The following GTF2IRD1 variants were observed in gnomAD, a reference collection of about 807,000 sequenced individuals.
GTF2IRD1 encodes the protein general transcription factor II-I repeat domain-containing protein 1.
A neutral mutation model predicts 113.2 loss-of-function variants in GTF2IRD1; 26 were observed. The ratio of observed to expected loss-of-function variants is 0.23; its 90% CI spans 0.17 to 0.32. The LOEUF is 0.32. Among genes scored for constraint, GTF2IRD1 ranks in the 10% least tolerant of loss-of-function variants. GTF2IRD1 has a pLI of 1.00. For missense variants in GTF2IRD1, 864 were observed against 1,280.8 expected (o/e 0.67, Z 4.97); for synonymous variants, 484 against 529.1 (o/e 0.91, Z 1.17).
At chr7:74,586,133 T>C (rs1801701473) in intron 22 of GTF2IRD1, among the ~76,000 whole-genome samples, 2 of 152,172 alleles carry the variant, frequency 1.3e-5, no homozygotes. Context: ...GTTCTGTGCA[T>C]GCATGGCCAT....
chr7:74,482,376 T>C (rs37614), intron 1 of GTF2IRD1, among the ~76,000 whole-genome samples: 121,820 of 151,410 alleles, frequency 0.8, 49,137 homozygotes, highest in Admixed American at 0.85. Context: ...GACAGGCATG[T>C]GCCACCACAC....
chr7:74,536,564 T>C (rs1228776145), intron 11 of GTF2IRD1, among the ~76,000 whole-genome samples: 4 of 152,052 alleles, frequency 2.6e-5, no homozygotes, highest in Non-Finnish European at 5.9e-5. Flanking sequence ...TCCCAGCACT[T>C]TGGGAGGCCG....
intron 17 of GTF2IRD1, among the ~76,000 whole-genome samples, chr7:74,547,983 A>G (rs1799058320): frequency 6.6e-6 from 1 of 152,016 alleles, no homozygotes; most frequent in Non-Finnish European, 1.5e-5. Flanking sequence ...GGCTGGGAGC[A>G]ATGCCCTGTC....
chr7:74,538,620 T>C, intron 12 of GTF2IRD1, 60 bp from the exon 13 acceptor site: 3 of 954,606 alleles, frequency 3.1e-6, no homozygotes, highest in Non-Finnish European at 5.2e-6. Context: ...CTGGAAAGAG[T>C]CACTCTGCCC....
chr7:74,483,386 T>A (rs545918356), intron 1 of GTF2IRD1, among the ~76,000 whole-genome samples: 7,757 of 148,966 alleles, frequency 0.052, 634 homozygotes, highest in African/African-American at 0.18. Flanking sequence ...AAAAAAAAAA[T>A]TTTTTTTTTA....
chr7:74,536,215 C>T lies in GTF2IRD1; in HGVS notation c.1349C>T (p.Pro450Leu). ...DTTKLEPASP[P>L]EDTSAEVSRA... ...ACGAAGCTGGAGCCAGCCAGCCCGC[C>T]AGAGGACACCTCTGCAGAGGTCTCT... Residue 450 changes from proline (P) to leucine (L), a missense_variant, in exon 11 of 27, where the codon CCA becomes CTA. Physicochemically the swap from Pro to Leu is moderately conservative, Grantham distance 98 (BLOSUM62 -3). Around this residue, in one of 7 missense-constraint regions of GTF2IRD1, gnomAD observed 218 missense variants for 352.6 expected, o/e 0.62. Transcript: ENST00000424337. 6.2e-7 allele frequency: 1 copy of T among 1,613,842 alleles called. No individual in the cohort carries two copies. Among genetic ancestry groups the T allele is most frequent in the Non-Finnish European group, 8.5e-7 (1 of 1,179,758 alleles).
chr7:74,479,751 TC>T, intron 1 of GTF2IRD1, among the ~76,000 whole-genome samples: 1 of 148,370 alleles, frequency 6.7e-6, no homozygotes, highest in Non-Finnish European at 1.5e-5. Flanking sequence ...AGTACATGAA[TC>T]TTTTTTTTTT....
At chr7:74,466,719 G>A (rs1318245038) in intron 1 of GTF2IRD1, among the ~76,000 whole-genome samples, 6 of 152,078 alleles carry the variant, frequency 3.9e-5, no homozygotes, top group Non-Finnish European at 1.5e-5. Flanking sequence ...CCCAGCCACA[G>A]CCCGCATCAC....
chr7:74,501,346 TGTG>T (rs1273157496), intron 1 of GTF2IRD1, among the ~76,000 whole-genome samples: 2 of 152,074 alleles, frequency 1.3e-5, no homozygotes, highest in African/African-American at 2.4e-5. Context: ...GCGACATCCT[TGTG>T]GTGGGGTCTT....
At chr7:74,562,778 T>C (rs1413094203) in intron 22 of GTF2IRD1, among the ~76,000 whole-genome samples, 2 of 151,902 alleles carry the variant, frequency 1.3e-5, no homozygotes, top group African/African-American at 4.8e-5. Context: ...AAGTCCAGGC[T>C]GGTTGACCAG....
In GTF2IRD1 at chr7:74,559,132, C is replaced by T. The variant is rs1242715895; in HGVS notation, c.2291+88C>T. The stretch of plus-strand genomic sequence containing the variant: ...CGAATCCTTAGCCTTTCCCTAGGTC[C>T]TGCCCTCCCCCCTGGACAAGGTGGC... On this transcript the variant is annotated intron_variant, in intron 21 of 26. Transcript: ENST00000424337. The T allele has an allele frequency of 1.1e-5, 14 of 1,226,822 alleles. No homozygotes were observed. The Admixed American group carries it at 2.9e-4, about 26-fold the overall frequency. 76.0% of individuals were successfully genotyped at this position (1,226,822 alleles called of 1,614,324 possible). A position where few individuals can be genotyped will look rare whatever the true frequency, so the allele number is the denominator to read the frequency against.
intron 22 of GTF2IRD1, chr7:74,571,031 A>T (rs1480426277): frequency 1.1e-6 from 1 of 898,426 alleles, no homozygotes; most frequent in Non-Finnish European, 1.3e-6. Context: ...CGCTCCTTTT[A>T]GTTCTCCTCT....
At position 74,567,672 on chromosome 7, in the gene GTF2IRD1, G is replaced by A. The variant is rs1226055621; in HGVS notation, c.2320+8017G>A. Among the ~76,000 whole-genome samples, 43 of 152,230 alleles carry A rather than the reference G, an allele frequency of 2.8e-4. No homozygotes were observed. The East Asian group carries it at 2.9e-3, about 10-fold the overall frequency. On this transcript the variant is annotated intron_variant, in intron 22 of 26. Coordinates refer to ENST00000424337, the MANE Select transcript of GTF2IRD1 (RefSeq NM_005685.4). ...CCAACTCCCCTCCCAGAAGTAGCTT[G>A]CTCTCCTCTGCCTGCCACACATCGG... is the stretch of plus-strand genomic sequence containing the variant.
intron 22 of GTF2IRD1, among the ~76,000 whole-genome samples, chr7:74,567,948 A>C (rs1224248988): frequency 1.3e-5 from 2 of 151,722 alleles, no homozygotes; most frequent in African/African-American, 4.8e-5. Context: ...ATCGCGCCCG[A>C]CTATTTTTTG....
intron 9 of GTF2IRD1, 99 bp from the exon 10 acceptor site, chr7:74,535,014 C>T (rs1463176280): frequency 3.2e-5 from 30 of 951,778 alleles, no homozygotes; most frequent in Non-Finnish European, 4.8e-5. Context: ...ATGTGTCACT[C>T]AGTGACCATC....
At position 74,602,375 on chromosome 7, in the gene GTF2IRD1, T is replaced by C; in HGVS notation, c.2777T>C (p.Met926Thr). 8 of 1,613,440 alleles carry C rather than the reference T, an allele frequency of 5.0e-6. No homozygotes were observed. The highest frequency in any genetic ancestry group is 1.3e-5 in the African/African-American group (1 of 75,030). ...ANQISLVQWP[M>T]YMVDYAGLNV... is the part of the protein sequence containing the mutation. ...TGTCCCTCTCTCTAGCAATGGCCAA[T>C]GTACATGGTGGACTATGCCGGCCTG... The change falls in exon 27 of 27, where the codon ATG (methionine) becomes ACG (threonine). Residue 926 changes from methionine to threonine, a missense_variant. By Grantham distance (81) the Met-to-Thr change is moderately conservative. Around this residue, in one of 7 missense-constraint regions of GTF2IRD1, gnomAD observed 18 missense variants for 35.7 expected, o/e 0.50. Coordinates refer to ENST00000424337, the MANE Select transcript of GTF2IRD1 (RefSeq NM_005685.4).
chr7:74,484,264 G>A (rs1213616086), intron 1 of GTF2IRD1, among the ~76,000 whole-genome samples: 3 of 152,040 alleles, frequency 2.0e-5, no homozygotes, highest in South Asian at 2.1e-4. Context: ...ATGCATCACC[G>A]GGCCTAACAT....
rs1202492253 is a variant in GTF2IRD1, at chr7:74,540,770, G to C, written c.1618+802G>C. The stretch of plus-strand genomic sequence containing the variant: ...TCAAGATCAGCCTGGGCAACATAGA[G>C]AGACCCATCTCTTAAATTTTTTGAG... On this transcript the variant is annotated intron_variant, in intron 14 of 26. Coordinates refer to ENST00000424337, the MANE Select transcript of GTF2IRD1 (RefSeq NM_005685.4). 1.8e-4 allele frequency among the ~76,000 whole-genome samples: 28 copies of C among 151,624 alleles called. 1 individual carries two copies. Among genetic ancestry groups the C allele is most frequent in the Non-Finnish European group, 8.8e-5 (6 of 67,890 alleles).
rs1562891313 is a variant in GTF2IRD1 at position 74,583,473 on chromosome 7, T to G, written c.2321-6378T>G. On this transcript the variant is annotated intron_variant, in intron 22 of 26. Coordinates refer to ENST00000424337, the MANE Select transcript of GTF2IRD1 (RefSeq NM_005685.4). ...TCCCAAATTGCTGGGATTACAGGCG[T>G]GAGCCACTACATCCGGCCAGTTCTT... Among the ~76,000 whole-genome samples, 5 of 148,910 alleles carry G rather than the reference T, an allele frequency of 3.4e-5. No homozygotes were observed. The South Asian group carries it at 1.1e-3, about 32-fold the overall frequency.
Sources: allele counts gnomAD v4.1 joint callset (sites outside exome capture counted in the v4.1 genomes callset), GRCh38; gene constraint gnomAD v4.1.1; regional missense constraint gnomAD v4.1.1; transcripts MANE v1.5; gene names NCBI Gene and HGNC (gene_info 2026-07-23, HGNC 2026-07-21).